NRG3: variants seen among roughly 807,000 people sequenced by gnomAD.
NRG3 encodes the protein neuregulin 3, also known as pro-neuregulin-3, membrane-bound isoform.
NRG3 carries 31 observed loss-of-function variants against 66.9 expected under a neutral mutation model. The observed-to-expected ratio is 0.46, with a 90% confidence interval of 0.35 to 0.63. The LOEUF (loss-of-function observed/expected upper bound fraction) is 0.63, where lower values mean the gene tolerates loss of function less well. NRG3 is among the 20% of genes least tolerant of loss of function. The pLI is 0.00. For missense variants in NRG3, 910 were observed against 878.9 expected (o/e 1.04, Z -0.45); for synonymous variants, 393 against 359.4 (o/e 1.09, Z -1.06).
chr10:82,396,218 G>T (rs1425221369), intron 2 of NRG3, among the ~76,000 whole-genome samples: 1 of 151,862 alleles, frequency 6.6e-6, no homozygotes, highest in Admixed American at 6.6e-5. Flanking sequence ...GTCCTCCCTC[G>T]CTGCCTCTGG....
At chr10:82,637,331 G>T (rs577934189) in intron 2 of NRG3, among the ~76,000 whole-genome samples, 4 of 152,170 alleles carry the variant, frequency 2.6e-5, no homozygotes, top group African/African-American at 9.6e-5. Flanking sequence ...ATAGAAAAAA[G>T]AATTTGTTCT....
chr10:82,634,364 G>T (rs1411388003), intron 2 of NRG3, among the ~76,000 whole-genome samples: 3 of 152,080 alleles, frequency 2.0e-5, no homozygotes, highest in Admixed American at 1.3e-4. Context: ...GTACACAGAA[G>T]TATGTATGTA....
chr10:82,081,186 A>T (rs2065369496), intron 1 of NRG3, among the ~76,000 whole-genome samples: 2 of 152,230 alleles, frequency 1.3e-5, no homozygotes, highest in South Asian at 4.1e-4. Context: ...GTTTAAACCT[A>T]GATGGGGCTT....
intron 1 of NRG3, among the ~76,000 whole-genome samples, chr10:82,158,720 A>G (rs890965970): frequency 2.0e-5 from 3 of 151,838 alleles, no homozygotes; most frequent in African/African-American, 7.2e-5. Context: ...CTTCACATGT[A>G]AGTAAAATGC....
At chr10:82,671,033 C>CGAA (rs1381453063) in intron 2 of NRG3, among the ~76,000 whole-genome samples, 1 of 152,156 alleles carries the variant, frequency 6.6e-6, no homozygotes, top group Non-Finnish European at 1.5e-5. Flanking sequence ...TCCAACCTTC[C>CGAA]CCCTTAGGTG....
chr10:82,107,531 G>A (rs1317342657), intron 1 of NRG3, among the ~76,000 whole-genome samples: 1 of 152,022 alleles, frequency 6.6e-6, no homozygotes, highest in Non-Finnish European at 1.5e-5. Context: ...TTTACAGGTG[G>A]AAAAACAGAA....
intron 5 of NRG3, among the ~76,000 whole-genome samples, chr10:82,955,016 C>A (rs2132400143): frequency 6.6e-6 from 1 of 152,002 alleles, no homozygotes; most frequent in East Asian, 1.9e-4. Flanking sequence ...CAAATAAGTT[C>A]ACTTGAACCT....
chr10:82,385,967 AT>A (rs1339426096), intron 2 of NRG3, among the ~76,000 whole-genome samples: 11 of 152,192 alleles, frequency 7.2e-5, no homozygotes, highest in Admixed American at 7.2e-4. Flanking sequence ...ATACAAAAAA[AT>A]AAAACAGATA....
intron 2 of NRG3, among the ~76,000 whole-genome samples, chr10:82,731,757 C>T (rs2057918945): frequency 6.6e-6 from 1 of 152,156 alleles, no homozygotes; most frequent in African/African-American, 2.4e-5. Flanking sequence ...ATCTCTTCCA[C>T]ATACTAATTT....
intron 2 of NRG3, among the ~76,000 whole-genome samples, chr10:82,375,265 C>A (rs1049275066): frequency 1.3e-5 from 2 of 152,082 alleles, no homozygotes; most frequent in Admixed American, 6.5e-5. Context: ...TAGCTGGGTG[C>A]GGTGGCTCAT....
At chr10:82,427,370 G>A (rs1398883714) in intron 2 of NRG3, among the ~76,000 whole-genome samples, 1 of 152,032 alleles carries the variant, frequency 6.6e-6, no homozygotes, top group Non-Finnish European at 1.5e-5. Context: ...CTAGTTTTCT[G>A]ACAGTCTTTC....
chr10:82,376,629 A>G (rs949846015), intron 2 of NRG3, among the ~76,000 whole-genome samples: 4 of 152,166 alleles, frequency 2.6e-5, no homozygotes, highest in South Asian at 2.1e-4. Flanking sequence ...CCAAGCACCA[A>G]TGCTACCACT....
chr10:82,166,947 A>G (rs2072119921), intron 1 of NRG3: 4 of 458,306 alleles, frequency 8.7e-6, no homozygotes, highest in African/African-American at 6.1e-5. Context: ...TGCTCGCATT[A>G]TTTTGATAAG....
chr10:82,439,373 TA>T (rs11336385), intron 2 of NRG3, among the ~76,000 whole-genome samples: 30,082 of 151,904 alleles, frequency 0.2, 4,074 homozygotes, highest in African/African-American at 0.39. Flanking sequence ...TTTTATACTT[TA>T]AAACAAATTA....
At chr10:82,607,760 G>A (rs2048055214) in intron 2 of NRG3, among the ~76,000 whole-genome samples, 1 of 151,054 alleles carries the variant, frequency 6.6e-6, no homozygotes, top group Non-Finnish European at 1.5e-5. Flanking sequence ...CCTGTTTTCT[G>A]TAGTAGTTGC....
At chr10:82,126,527 C>G (rs1365852484) in intron 1 of NRG3, among the ~76,000 whole-genome samples, 1 of 152,030 alleles carries the variant, frequency 6.6e-6, no homozygotes, top group African/African-American at 2.4e-5. Context: ...AGATAGTATG[C>G]AGAGATTTAA....
chr10:82,276,477 C>T (rs1003591574), intron 1 of NRG3, among the ~76,000 whole-genome samples: 1 of 151,942 alleles, frequency 6.6e-6, no homozygotes, highest in Non-Finnish European at 1.5e-5. Context: ...ATCCCTTTCT[C>T]CAGGAAGATG....
chr10:81,989,724 G>T (rs936909571), intron 1 of NRG3, among the ~76,000 whole-genome samples: 1 of 152,124 alleles, frequency 6.6e-6, no homozygotes, highest in African/African-American at 2.4e-5. Context: ...AGCATCAGTC[G>T]TGTCAATACT....
At chr10:82,286,337 G>T (rs796978176) in intron 1 of NRG3, among the ~76,000 whole-genome samples, 34 of 152,230 alleles carry the variant, frequency 2.2e-4, no homozygotes, top group African/African-American at 7.7e-4. Context: ...GTGTGTGTAT[G>T]TTGACACATA....
Sources: allele counts gnomAD v4.1 joint callset (sites outside exome capture counted in the v4.1 genomes callset), GRCh38; gene constraint gnomAD v4.1.1; transcripts MANE v1.5; gene names NCBI Gene and HGNC (gene_info 2026-07-23, HGNC 2026-07-21).